DLG2: variants seen among roughly 807,000 people sequenced by gnomAD.
The protein encoded by DLG2 is discs large MAGUK scaffold protein 2, also known as disks large homolog 2.
Under a neutral mutation model 132.5 loss-of-function variants are expected in DLG2, and 45 were observed. The ratio of observed to expected loss-of-function variants is 0.34; its 90% CI spans 0.27 to 0.44. DLG2 has a LOEUF of 0.44. DLG2 is among the 20% of genes least tolerant of loss of function. The pLI is 1.00. For missense variants in DLG2, 1,045 were observed against 1,196.9 expected (o/e 0.87, Z 1.87); for synonymous variants, 424 against 419.6 (o/e 1.01, Z -0.13).
chr11:85,402,723 C>T (rs996185217), intron 3 of DLG2, among the ~76,000 whole-genome samples: 1 of 152,058 alleles, frequency 6.6e-6, no homozygotes, highest in East Asian at 1.9e-4. Flanking sequence ...TTTATGCAGC[C>T]AACAGACATA....
chr11:85,420,388 C>A (rs1417047501), intron 3 of DLG2, among the ~76,000 whole-genome samples: 1 of 152,156 alleles, frequency 6.6e-6, no homozygotes, highest in African/African-American at 2.4e-5. Flanking sequence ...TGGGAGGTGT[C>A]TCCCAGTTAG....
chr11:85,558,188 C>G (rs974667283), intron 3 of DLG2, among the ~76,000 whole-genome samples: 2 of 151,886 alleles, frequency 1.3e-5, no homozygotes, highest in African/African-American at 4.8e-5. Context: ...AAGTGGCCAA[C>G]AAACATATGA....
At chr11:84,841,328 A>G in intron 6 of DLG2, among the ~76,000 whole-genome samples, 1 of 152,014 alleles carries the variant, frequency 6.6e-6, no homozygotes, top group East Asian at 1.9e-4. Flanking sequence ...AAAGAAATAA[A>G]AAATAATAAC....
intron 3 of DLG2, among the ~76,000 whole-genome samples, chr11:85,305,139 A>G (rs2079855477): frequency 6.6e-6 from 1 of 152,230 alleles, no homozygotes; most frequent in South Asian, 2.1e-4. Context: ...TGAGAAGCTT[A>G]CAATCTAATG....
intron 11 of DLG2, among the ~76,000 whole-genome samples, chr11:84,038,980 C>T (rs1026781829): frequency 2.6e-5 from 4 of 151,964 alleles, no homozygotes; most frequent in Non-Finnish European, 4.4e-5. Flanking sequence ...CCCACCAGGC[C>T]CCTCCCATGA....
chr11:84,658,735 C>T (rs1021103273), intron 6 of DLG2, among the ~76,000 whole-genome samples: 2 of 152,130 alleles, frequency 1.3e-5, no homozygotes, highest in Non-Finnish European at 2.9e-5. Context: ...TCCTCTTTTG[C>T]CTTCCACCAC....
intron 10 of DLG2, among the ~76,000 whole-genome samples, chr11:84,094,879 G>A (rs1032191254): frequency 7.9e-5 from 12 of 152,056 alleles, no homozygotes; most frequent in Non-Finnish European, 1.5e-5. Flanking sequence ...TAACTCAAAG[G>A]AAACACCAAG....
chr11:85,369,155 C>T (rs942736513), intron 3 of DLG2, among the ~76,000 whole-genome samples: 2 of 151,982 alleles, frequency 1.3e-5, no homozygotes, highest in South Asian at 2.1e-4. Context: ...TCTTGGGGGT[C>T]GGAGGAAAGG....
chr11:83,501,395 G>A (rs539929298), intron 21 of DLG2, among the ~76,000 whole-genome samples: 1 of 152,170 alleles, frequency 6.6e-6, no homozygotes, highest in East Asian at 1.9e-4. Context: ...CAGGGAGAAT[G>A]GCTTTCAGAA....
At chr11:83,467,232 CACTA>C (rs2091199150) in intron 25 of DLG2, among the ~76,000 whole-genome samples, 1 of 152,182 alleles carries the variant, frequency 6.6e-6, no homozygotes, top group African/African-American at 2.4e-5. Flanking sequence ...AGAAGACTCA[CACTA>C]ACTAACTTGC....
chr11:84,544,135 T>C (rs2099384840), intron 6 of DLG2, among the ~76,000 whole-genome samples: 1 of 152,234 alleles, frequency 6.6e-6, no homozygotes, highest in African/African-American at 2.4e-5. Context: ...ATTGGAAATG[T>C]AGCCTGGTAG....
intron 6 of DLG2, among the ~76,000 whole-genome samples, chr11:84,955,911 G>T (rs574004101): frequency 6.6e-6 from 1 of 152,228 alleles, no homozygotes; most frequent in East Asian, 1.9e-4. Flanking sequence ...TTTGACCTTT[G>T]TGGAAGTACA....
At chr11:84,413,856 A>T (rs910563702) in intron 7 of DLG2, among the ~76,000 whole-genome samples, 1 of 152,182 alleles carries the variant, frequency 6.6e-6, no homozygotes, top group African/African-American at 2.4e-5. Flanking sequence ...ATAATTATCA[A>T]TTCAGACATT....
chr11:84,316,936 G>A (rs1769091200), intron 7 of DLG2: 1 of 1,612,828 alleles, frequency 6.2e-7, no homozygotes, highest in South Asian at 1.1e-5. Flanking sequence ...ACAAGGTCCT[G>A]TTGAAGCTGG....
At chr11:85,602,586 T>C (rs1227425735) in intron 2 of DLG2, among the ~76,000 whole-genome samples, 1 of 152,150 alleles carries the variant, frequency 6.6e-6, no homozygotes. Flanking sequence ...GGTCTCACTA[T>C]GTTGCCCAGG....
intron 6 of DLG2, among the ~76,000 whole-genome samples, chr11:84,793,294 A>T (rs888399434): frequency 2.0e-5 from 3 of 152,196 alleles, no homozygotes; most frequent in Non-Finnish European, 4.4e-5. Context: ...TCAATTTTTT[A>T]AATGTTTTAA....
chr11:84,964,155 A>G lies in DLG2; in HGVS notation c.357+147506T>C, dbSNP rs148526320. On this transcript the variant is annotated intron_variant, in intron 6 of 27. Transcript: ENST00000376104. Reference sequence around the variant, plus strand: ...TTCAAAGAAAAGATCAGTGTATAATATATTTGTTCATTTTCCCTTCTCTGG... The same window carrying G: ...TTCAAAGAAAAGATCAGTGTATAATGTATTTGTTCATTTTCCCTTCTCTGG... 1.6e-4 allele frequency among the ~76,000 whole-genome samples: 24 copies of G among 152,244 alleles called. 1 individual carries two copies. In the East Asian group the frequency reaches 3.3e-3, roughly 21 times the overall value.
chr11:84,624,687 T>C (rs1245859188), intron 6 of DLG2, among the ~76,000 whole-genome samples: 1 of 151,336 alleles, frequency 6.6e-6, no homozygotes, highest in African/African-American at 2.4e-5. Context: ...CCCCATGACA[T>C]TCCTCCTTTT....
At chr11:85,538,877 C>G (rs552218871) in intron 3 of DLG2, among the ~76,000 whole-genome samples, 3 of 151,860 alleles carry the variant, frequency 2.0e-5, no homozygotes, top group African/African-American at 7.3e-5. Flanking sequence ...GGATAAATAG[C>G]TAATGCATGT....
Sources: gnomAD v4.1 joint callset for allele counts (sites outside exome capture counted in the v4.1 genomes callset) on GRCh38, gnomAD v4.1.1 for gene constraint, MANE v1.5 for transcripts, NCBI Gene and HGNC (gene_info 2026-07-23, HGNC 2026-07-21) for gene names.